MVB12B: variants seen among roughly 807,000 people sequenced by gnomAD.
The protein encoded by MVB12B is ESCRT-I complex subunit MVB12B.
In MVB12B, 16 loss-of-function variants were observed where a neutral mutation model predicts 41.6. The ratio of observed to expected loss-of-function variants is 0.38; its 90% confidence interval spans 0.26 to 0.58. The LOEUF (loss-of-function observed/expected upper bound fraction) is 0.58, where lower values mean the gene tolerates loss of function less well. MVB12B is among the 20% of genes least tolerant of loss of function. The pLI is 0.62. For missense variants in MVB12B, 274 were observed against 380.2 expected, an observed-to-expected ratio of 0.72 and a Z score of 2.32; for synonymous variants, 133 against 139.7, an observed-to-expected ratio of 0.95 and a Z score of 0.34.
In MVB12B at chr9:126,504,570, C is replaced by G. The variant is rs1394389069; in HGVS notation, c.*1307C>G. On this transcript the variant is annotated 3_prime_UTR_variant, in exon 10 of 10. Coordinates refer to ENST00000361171, the MANE Select transcript of MVB12B (RefSeq NM_033446.3). ...AGGTCCTGGGCAGCCCACAGTAGTGCTAGCTGAGGCCCAGAGGAACGGGAG... is the reference window on the plus strand; with the variant it reads ...AGGTCCTGGGCAGCCCACAGTAGTGGTAGCTGAGGCCCAGAGGAACGGGAG... 6.5e-6 allele frequency: 1 copy of G among 152,752 alleles called. No individual in the cohort carries two copies. Among genetic ancestry groups the G allele is most frequent in the East Asian group, 1.9e-4 (1 of 5,204 alleles). The allele number at this position is 152,752 out of a possible 1,614,324, so 9.5% of individuals were successfully genotyped here.
intron 8 of MVB12B, 86 bp downstream of exon 8, chr9:126,481,510 G>T: frequency 1.0e-6 from 1 of 987,500 alleles, no homozygotes; most frequent in African/African-American, 1.6e-5. Flanking sequence ...ACGCAGGGCT[G>T]TTCTGGCAGT....
chr9:126,366,897 G>T (rs563817400), intron 2 of MVB12B, among the ~76,000 whole-genome samples: 5 of 152,086 alleles, frequency 3.3e-5, no homozygotes, highest in Admixed American at 3.3e-4. Context: ...AATCGTGACC[G>T]GCTGACACCT....
Position 126,367,503 on chromosome 9 carries a change from G to A in MVB12B, c.205-13561G>A, listed in dbSNP as rs1484541400. 1.3e-5 allele frequency among the ~76,000 whole-genome samples: 2 copies of A among 152,186 alleles called. No homozygotes were observed. The highest frequency in any genetic ancestry group is 4.8e-5 in the African/African-American group (2 of 41,448). ...GCCCCTACTTCGTTTCTGCCTGCCA[G>A]CACTTTATGATGCATCCCACCTGAA... On this transcript the variant is annotated intron_variant, in intron 2 of 9. Coordinates refer to ENST00000361171, the MANE Select transcript of MVB12B (RefSeq NM_033446.3). This position sits in a 1 kb window ranked among gnomAD's most constrained non-coding sequence, Gnocchi z 4.3.
At chr9:126,422,067 C>T in intron 7 of MVB12B, 119 bp downstream of exon 7, 2 of 744,980 alleles carry the variant, frequency 2.7e-6, no homozygotes, top group East Asian at 2.6e-5. Flanking sequence ...TTCTTCCCTG[C>T]AGGGGACCTG....
At chr9:126,336,014 G>A (rs1294517070) in intron 1 of MVB12B, among the ~76,000 whole-genome samples, 2 of 152,260 alleles carry the variant, frequency 1.3e-5, no homozygotes, top group African/African-American at 4.8e-5. Flanking sequence ...GCCTCACCAT[G>A]GCAGGAGGCC....
Position 126,402,437 on chromosome 9 carries a change from A to G in MVB12B, c.662+6740A>G, listed in dbSNP as rs1831291126. ...AGGATCACTTGAGTTCAGGAGTTCA[A>G]AACAAGTCTGTGCAACATGGCAAAA... is the stretch of plus-strand genomic sequence containing the variant. On this transcript the variant is annotated intron_variant, in intron 6 of 9. Transcript: ENST00000361171. Among the ~76,000 whole-genome samples the G allele has an allele frequency of 2.0e-5, 3 of 151,902 alleles. No homozygotes were observed. The South Asian group carries it at 6.2e-4, about 32-fold the overall frequency.
At chr9:126,420,287 G>A (rs1429654380) in intron 6 of MVB12B, among the ~76,000 whole-genome samples, 1 of 152,222 alleles carries the variant, frequency 6.6e-6, no homozygotes, top group African/African-American at 2.4e-5. Context: ...GAATATTCAG[G>A]TTCCCTCCAT....
rs868665716 is a variant in MVB12B at position 126,392,146 on chromosome 9, C to A, written c.490C>A (p.Arg164=). The A allele has an allele frequency of 2.5e-6, 4 of 1,614,026 alleles. No homozygotes were observed. The highest frequency in any genetic ancestry group is 2.7e-5 in the African/African-American group (2 of 74,912). ...AACGGAAGCTGCGATTTGTGACATTCGGATCATGGGCCGGACCAAGCAGGC... is the reference window on the plus strand; with the variant it reads ...AACGGAAGCTGCGATTTGTGACATTAGGATCATGGGCCGGACCAAGCAGGC... ...DSTEAAICDI[R]IMGRTKQAPP... The change falls in exon 5 of 10, where the codon CGG becomes AGG. Residue 164 remains arginine, a synonymous_variant. Coordinates refer to ENST00000361171, the MANE Select transcript of MVB12B (RefSeq NM_033446.3). The surrounding 1 kb of genome is among the most constrained non-coding windows in gnomAD (Gnocchi z 4.8).
rs2119126623 is a variant in MVB12B at position 126,436,187 on chromosome 9, A to C, written c.757+14239A>C. Among the ~76,000 whole-genome samples, 1 of 152,292 alleles carries C rather than the reference A, an allele frequency of 6.6e-6. No individual in the cohort carries two copies. The highest frequency in any genetic ancestry group is 1.9e-4 in the East Asian group (1 of 5,180). On this transcript the variant is annotated intron_variant, in intron 7 of 9. Transcript: ENST00000361171. The surrounding 1 kb of genome is among the most constrained non-coding windows in gnomAD (Gnocchi z 4.1). ...CATAGTTTCTGGTTATTTTGCCAGG[A>C]GGCTCTCTCGTGTTCGGGCATTTGG...
chr9:126,422,176 A>C (rs898549138), intron 7 of MVB12B, among the ~76,000 whole-genome samples: 14 of 152,224 alleles, frequency 9.2e-5, no homozygotes, highest in Non-Finnish European at 1.5e-4. Context: ...GATGAAAAAC[A>C]ATGTGTGGAT....
rs535137542 is a variant in MVB12B, at chr9:126,391,070, A to C, written c.410-996A>C. On this transcript the variant is annotated intron_variant, in intron 4 of 9. Transcript: ENST00000361171. This position sits in a 1 kb window ranked among gnomAD's most constrained non-coding sequence, Gnocchi z 4.4. ...CAGAGGGTGAGAAAGTGCTCAGAGG[A>C]TGGCAGTTGGGGAACTGTGTGACCG... 6.6e-6 allele frequency among the ~76,000 whole-genome samples: 1 copy of C among 152,238 alleles called. No individual in the cohort carries two copies. Among genetic ancestry groups the C allele is most frequent in the East Asian group, 1.9e-4 (1 of 5,180 alleles).
At chr9:126,330,002 T>G (rs1829084354) in intron 1 of MVB12B, among the ~76,000 whole-genome samples, 1 of 145,916 alleles carries the variant, frequency 6.9e-6, no homozygotes, top group African/African-American at 2.5e-5. Flanking sequence ...CTGTCTGCAC[T>G]AGTTGCAGTG....
At chr9:126,472,236 G>T (rs1489160984) in intron 7 of MVB12B, among the ~76,000 whole-genome samples, 1 of 151,958 alleles carries the variant, frequency 6.6e-6, no homozygotes, top group Non-Finnish European at 1.5e-5. Context: ...TTGGAGGGGA[G>T]AATCAAGGGA....
chr9:126,330,181 C>T (rs189308148), intron 1 of MVB12B, among the ~76,000 whole-genome samples: 1 of 152,134 alleles, frequency 6.6e-6, no homozygotes, highest in East Asian at 1.9e-4. Flanking sequence ...ATGTGAGAGC[C>T]CTGTGGGCCT....
intron 7 of MVB12B, among the ~76,000 whole-genome samples, chr9:126,444,653 T>C (rs998861539): frequency 1.4e-4 from 22 of 152,382 alleles, no homozygotes; most frequent in African/African-American, 4.8e-4. Context: ...CTTTATGTTT[T>C]GTGTCTTTGC....
chr9:126,396,708 G>A (rs1373417016), intron 6 of MVB12B: 1 of 985,324 alleles, frequency 1.0e-6, no homozygotes, highest in Admixed American at 6.1e-5. Context: ...CCCCTATAAA[G>A]ACAATCTGGT....
chr9:126,467,179 T>C (rs1012379177), intron 7 of MVB12B, among the ~76,000 whole-genome samples: 2 of 152,228 alleles, frequency 1.3e-5, no homozygotes, highest in Non-Finnish European at 1.5e-5. Flanking sequence ...CATCACCTTT[T>C]CTGGGGCTGT....
rs1833053230 is a variant in MVB12B at position 126,459,834 on chromosome 9, G to A, written c.758-21535G>A. On this transcript the variant is annotated intron_variant, in intron 7 of 9. Coordinates refer to ENST00000361171, the MANE Select transcript of MVB12B (RefSeq NM_033446.3). This position sits in a 1 kb window ranked among gnomAD's most constrained non-coding sequence, Gnocchi z 4.3. ...GCTTGTCTCACAGTCAGAATCGCCA[G>A]CTTCAGCCCACCCATCTCGAGGGAG... 6.6e-6 allele frequency among the ~76,000 whole-genome samples: 1 copy of A among 152,212 alleles called. No individual in the cohort carries two copies. The highest frequency in any genetic ancestry group is 2.1e-4 in the South Asian group (1 of 4,832).
At chr9:126,501,596 TTGGCTG>T (rs2119244026) in intron 9 of MVB12B, among the ~76,000 whole-genome samples, 1 of 152,294 alleles carries the variant, frequency 6.6e-6, no homozygotes, top group East Asian at 1.9e-4. Flanking sequence ...GTGCTGGGCT[TTGGCTG>T]TGGACATGGC....
Sources: allele counts gnomAD v4.1 joint callset (sites outside exome capture counted in the v4.1 genomes callset), GRCh38; gene constraint gnomAD v4.1.1; non-coding constraint Gnocchi (gnomAD v3.1); transcripts MANE v1.5; gene names NCBI Gene and HGNC (gene_info 2026-07-23, HGNC 2026-07-21).